The following CSMD1 variants were observed in gnomAD, a reference collection of about 807,000 sequenced individuals.
CSMD1 encodes CUB and Sushi multiple domains 1.
CSMD1 carries 213 observed loss-of-function variants against 417.5 expected under a neutral mutation model. The observed-to-expected ratio is 0.51, with a 90% CI of 0.46 to 0.57. CSMD1 has a LOEUF of 0.57. Among genes scored for constraint, CSMD1 ranks in the 20% least tolerant of loss-of-function variants. The pLI, the probability that CSMD1 is intolerant of heterozygous loss-of-function variation, is 0.00. For synonymous variants in CSMD1, 2,862 were observed against 1,736.8 expected (o/e 1.65, Z -16.11); for missense variants, 6,923 against 4,529.7 (o/e 1.53, Z -15.17).
chr8:3,265,898 T>G (rs1352871814), intron 26 of CSMD1, among the ~76,000 whole-genome samples: 1 of 151,916 alleles, frequency 6.6e-6, no homozygotes, highest in Non-Finnish European at 1.5e-5. Context: ...CTCCATCTCC[T>G]TGGAGGCCAC....
chr8:3,771,048 T>C (rs77465890), intron 5 of CSMD1, among the ~76,000 whole-genome samples: 3,956 of 151,676 alleles, frequency 0.026, 169 homozygotes, highest in East Asian at 0.16. Flanking sequence ...GTGTGTGTGT[T>C]TCATTTGCAT....
intron 2 of CSMD1, among the ~76,000 whole-genome samples, chr8:4,567,068 A>G (rs1585260022): frequency 6.6e-6 from 1 of 152,122 alleles, no homozygotes; most frequent in Non-Finnish European, 1.5e-5. Context: ...GCTTCCATAA[A>G]TAGCTTAAAT....
intron 3 of CSMD1, among the ~76,000 whole-genome samples, chr8:4,300,237 C>T (rs1021486570): frequency 1.3e-5 from 2 of 152,154 alleles, no homozygotes; most frequent in Non-Finnish European, 2.9e-5. Context: ...TGTATAAAGT[C>T]GTTTGTAAAC....
In CSMD1 at chr8:3,307,901, C is replaced by A. The variant is rs1031297237; in HGVS notation, c.3824-80G>T. 5 of 1,479,842 alleles carry A rather than the reference C, an allele frequency of 3.4e-6. No homozygotes were observed. In the African/African-American group the frequency reaches 7.0e-5, roughly 21 times the overall value. The allele number at this position is 1,479,842 out of a possible 1,614,324, so 91.7% of individuals were successfully genotyped here. A position where few individuals can be genotyped will look rare whatever the true frequency, so the allele number is the denominator to read the frequency against. On this transcript the variant is annotated intron_variant, in intron 24 of 69. Transcript: ENST00000635120. Reference sequence around the variant, plus strand: ...ATTTAGCTACTTTTCAAAACCAAAGCCATTATGTCTGCATTATATACATAG... The same window carrying A: ...ATTTAGCTACTTTTCAAAACCAAAGACATTATGTCTGCATTATATACATAG...
intron 5 of CSMD1, among the ~76,000 whole-genome samples, chr8:3,976,315 A>G (rs1403354616): frequency 6.6e-6 from 1 of 152,168 alleles, no homozygotes; most frequent in Non-Finnish European, 1.5e-5. Flanking sequence ...TTTCTCATAG[A>G]GTCAATGCGT....
intron 10 of CSMD1, among the ~76,000 whole-genome samples, chr8:3,506,442 A>C (rs944079802): frequency 3.3e-5 from 5 of 152,204 alleles, no homozygotes; most frequent in African/African-American, 4.8e-5. Flanking sequence ...GTAAGTACTC[A>C]CATTCTCACC....
At chr8:3,442,781 A>T (rs1019108587) in intron 12 of CSMD1, among the ~76,000 whole-genome samples, 7 of 152,150 alleles carry the variant, frequency 4.6e-5, no homozygotes, top group Non-Finnish European at 7.4e-5. Context: ...TCTATTTGCT[A>T]CCATTAAGAA....
intron 7 of CSMD1, among the ~76,000 whole-genome samples, chr8:3,671,302 G>C (rs990205195): frequency 2.0e-5 from 3 of 147,662 alleles, no homozygotes; most frequent in South Asian, 2.1e-4. Context: ...ACAGGCACCT[G>C]ATAAATGCTA....
intron 5 of CSMD1, among the ~76,000 whole-genome samples, chr8:3,799,858 G>C (rs1332213856): frequency 2.0e-5 from 3 of 152,260 alleles, no homozygotes; most frequent in South Asian, 2.1e-4. Context: ...GAAGATCACA[G>C]TCCTGAATTT....
At chr8:3,999,488 C>T (rs1815488438) in intron 4 of CSMD1, among the ~76,000 whole-genome samples, 1 of 152,162 alleles carries the variant, frequency 6.6e-6, no homozygotes, top group African/African-American at 2.4e-5. Context: ...CTCACAAAAA[C>T]GTCAAAATAG....
At chr8:3,885,324 T>C (rs1368925047) in intron 5 of CSMD1, among the ~76,000 whole-genome samples, 5 of 152,168 alleles carry the variant, frequency 3.3e-5, no homozygotes, top group East Asian at 3.9e-4. Context: ...TCAGTATTTA[T>C]TGGCACACTT....
At chr8:3,513,672 C>T (rs1797171514) in intron 10 of CSMD1, among the ~76,000 whole-genome samples, 1 of 152,194 alleles carries the variant, frequency 6.6e-6, no homozygotes, top group South Asian at 2.1e-4. Flanking sequence ...AATATGCCAG[C>T]AGGTCCACAA....
rs373953214 is a variant in CSMD1 at position 3,032,130 on chromosome 8, T to C, written c.7661-2617A>G. On this transcript the variant is annotated intron_variant, in intron 50 of 69. Transcript: ENST00000635120. ...AAAGAAAAGTGAGGACTGCAATAAA[T>C]ATTAATATTAAAGTCCATCTTGTCC... is the stretch of plus-strand genomic sequence containing the variant. Among the ~76,000 whole-genome samples the C allele has an allele frequency of 5.3e-5, 8 of 152,006 alleles. 1 individual carries two copies. The East Asian group carries it at 1.2e-3, about 22-fold the overall frequency.
intron 12 of CSMD1, among the ~76,000 whole-genome samples, chr8:3,425,242 T>G (rs1309465614): frequency 1.3e-5 from 2 of 152,128 alleles, no homozygotes; most frequent in Non-Finnish European, 2.9e-5. Flanking sequence ...AGGCATCCAC[T>G]GGGGGACTTA....
chr8:4,956,399 C>A (rs1809115094), intron 1 of CSMD1, among the ~76,000 whole-genome samples: 1 of 149,730 alleles, frequency 6.7e-6, no homozygotes, highest in Non-Finnish European at 1.5e-5. Context: ...TATACACATA[C>A]ATTTTCAAGA....
intron 10 of CSMD1, among the ~76,000 whole-genome samples, chr8:3,556,802 C>T (rs1219809229): frequency 3.3e-5 from 5 of 152,152 alleles, no homozygotes; most frequent in African/African-American, 7.2e-5. Context: ...CCAAAAGAGG[C>T]GACCTTGGTG....
intron 2 of CSMD1, among the ~76,000 whole-genome samples, chr8:4,580,628 G>A (rs1057470750): frequency 2.0e-5 from 3 of 151,710 alleles, no homozygotes; most frequent in Admixed American, 6.6e-5. Context: ...CTTCTTCTTC[G>A]TGGCATCACA....
At chr8:3,685,731 C>A (rs1563271748) in intron 7 of CSMD1, among the ~76,000 whole-genome samples, 1 of 151,070 alleles carries the variant, frequency 6.6e-6, no homozygotes, top group African/African-American at 2.4e-5. Context: ...CAATTTCTTT[C>A]TTTTTTTTTA....
chr8:4,060,589 T>G (rs940219849), intron 3 of CSMD1, among the ~76,000 whole-genome samples: 1 of 152,202 alleles, frequency 6.6e-6, no homozygotes, highest in Non-Finnish European at 1.5e-5. Flanking sequence ...AAGGTCATTC[T>G]GGGTTTCGGA....
Sources: allele counts gnomAD v4.1 joint callset (sites outside exome capture counted in the v4.1 genomes callset), GRCh38; gene constraint gnomAD v4.1.1; transcripts MANE v1.5; gene names NCBI Gene and HGNC (gene_info 2026-07-23, HGNC 2026-07-21).